The following NDST3 variants were observed in gnomAD, a reference collection of about 807,000 sequenced individuals.
NDST3 encodes bifunctional heparan sulfate N-deacetylase/N-sulfotransferase 3.
NDST3 carries 58 observed loss-of-function variants against 96.1 expected under a neutral mutation model. The ratio of observed to expected loss-of-function variants is 0.60; its 90% CI spans 0.49 to 0.75. The LOEUF (loss-of-function observed/expected upper bound fraction) is 0.75. Among genes scored for constraint, NDST3 ranks in the 30% least tolerant of loss-of-function variants. The pLI is 0.00. For synonymous variants in NDST3, 333 were observed against 359.7 expected (o/e 0.93, Z 0.84); for missense variants, 788 against 1,034.2 (o/e 0.76, Z 3.27).
chr4:118,216,754 AGT>A (rs1739218860), intron 6 of NDST3, among the ~76,000 whole-genome samples: 1 of 152,138 alleles, frequency 6.6e-6, no homozygotes, highest in Admixed American at 6.6e-5. Flanking sequence ...ATGGAGATAA[AGT>A]TAGAGGAGAC....
chr4:118,057,669 T>A (rs1235837695), intron 2 of NDST3, among the ~76,000 whole-genome samples: 1 of 152,002 alleles, frequency 6.6e-6, no homozygotes, highest in African/African-American at 2.4e-5. Context: ...CTGGAGAGTC[T>A]CCTTTGGGAA....
At chr4:118,108,349 T>C (rs566059981) in intron 3 of NDST3, among the ~76,000 whole-genome samples, 24 of 152,350 alleles carry the variant, frequency 1.6e-4, no homozygotes, top group African/African-American at 5.8e-4. Context: ...CATATATGTG[T>C]GTTAGATCTA....
At chr4:118,225,994 G>T (rs1322670523) in intron 7 of NDST3, among the ~76,000 whole-genome samples, 26 of 142,962 alleles carry the variant, frequency 1.8e-4, no homozygotes, top group East Asian at 8.1e-4. Context: ...CTGTTTTTTT[G>T]TTTTTTTTTT....
At position 118,114,797 on chromosome 4, in the gene NDST3, C is replaced by CT; in HGVS notation, c.1070-9_1070-8insT. The CT allele has an allele frequency of 6.2e-7, 1 of 1,613,006 alleles. No individual in the cohort carries two copies. The highest frequency in any genetic ancestry group is 8.5e-7 in the Non-Finnish European group (1 of 1,179,404). Reference sequence around the variant, plus strand: ...TGGAATTAATTGGATAATATTTCCCCCCCTAAAGGAACTGAAGAGGAAGAT... The same window carrying CT: ...TGGAATTAATTGGATAATATTTCCCCTCCCTAAAGGAACTGAAGAGGAAGAT... On this transcript the variant is annotated splice_polypyrimidine_tract_variant and intron_variant, in intron 3 of 13. Coordinates refer to ENST00000296499, the MANE Select transcript of NDST3 (RefSeq NM_004784.3).
chr4:118,084,802 A>G (rs183775032), intron 2 of NDST3, among the ~76,000 whole-genome samples: 281 of 152,306 alleles, frequency 1.8e-3, no homozygotes, highest in Middle Eastern at 0.01. Flanking sequence ...ACTCTGCACG[A>G]AAGCCAATTA....
intron 2 of NDST3, among the ~76,000 whole-genome samples, chr4:118,072,373 A>C (rs139314299): frequency 3.0e-4 from 46 of 152,034 alleles, no homozygotes; most frequent in African/African-American, 1.1e-3. Context: ...ACGGAATGCT[A>C]TTCCTTTCTT....
chr4:118,091,695 T>C (rs1401523837), intron 2 of NDST3, among the ~76,000 whole-genome samples: 1 of 151,746 alleles, frequency 6.6e-6, no homozygotes, highest in Non-Finnish European at 1.5e-5. Flanking sequence ...TCCTGGGATC[T>C]CTACCCTTTC....
chr4:118,042,509 C>G (rs1724527203), intron 1 of NDST3, among the ~76,000 whole-genome samples: 1 of 152,184 alleles, frequency 6.6e-6, no homozygotes. Context: ...CTACACTAAT[C>G]ATCTGTAAAC....
intron 2 of NDST3, 26 bp downstream of exon 2, chr4:118,054,917 A>C (rs766130414): frequency 1.9e-5 from 31 of 1,602,782 alleles, no homozygotes; most frequent in African/African-American, 4.0e-5. Flanking sequence ...CTCAAGTTTC[A>C]AAGTTCAGTT....
At chr4:118,244,652 G>C (rs1020779874) in intron 12 of NDST3, among the ~76,000 whole-genome samples, 1 of 152,126 alleles carries the variant, frequency 6.6e-6, no homozygotes, top group Non-Finnish European at 1.5e-5. Context: ...GTGTGAAAGA[G>C]TACTCCAATT....
intron 4 of NDST3, among the ~76,000 whole-genome samples, chr4:118,118,407 C>T (rs903521741): frequency 1.3e-5 from 2 of 152,104 alleles, no homozygotes; most frequent in African/African-American, 4.8e-5. Flanking sequence ...AGAGAATTTC[C>T]GAGACTGTGA....
intron 12 of NDST3, among the ~76,000 whole-genome samples, chr4:118,247,249 G>C (rs574193372): frequency 4.6e-5 from 7 of 150,790 alleles, no homozygotes; most frequent in African/African-American, 1.7e-4. Flanking sequence ...GACAAATGTA[G>C]AGTTAGAAAA....
chr4:118,065,025 T>C (rs1043161626), intron 2 of NDST3, among the ~76,000 whole-genome samples: 3 of 152,184 alleles, frequency 2.0e-5, no homozygotes, highest in African/African-American at 7.2e-5. Flanking sequence ...ATGGCCCACC[T>C]GGATAATCCA....
chr4:118,036,917 T>A (rs764024015), intron 1 of NDST3, among the ~76,000 whole-genome samples: 10 of 152,232 alleles, frequency 6.6e-5, no homozygotes, highest in African/African-American at 2.2e-4. Flanking sequence ...AAATCAATTA[T>A]TGCAGTCCTA....
chr4:118,168,566 G>T (rs1364047023), intron 6 of NDST3, among the ~76,000 whole-genome samples: 1 of 151,900 alleles, frequency 6.6e-6, no homozygotes, highest in Non-Finnish European at 1.5e-5. Context: ...AACTATGGAG[G>T]TTCCTCAAAA....
chr4:118,166,126 G>C (rs1182803557), intron 6 of NDST3, among the ~76,000 whole-genome samples: 1 of 151,466 alleles, frequency 6.6e-6, no homozygotes, highest in Non-Finnish European at 1.5e-5. Context: ...CAATGAAATT[G>C]GTTTTTTGAA....
intron 2 of NDST3, among the ~76,000 whole-genome samples, chr4:118,096,234 A>G (rs1309570128): frequency 1.3e-5 from 2 of 152,034 alleles, no homozygotes; most frequent in African/African-American, 4.8e-5. Context: ...TCCTTGAAAT[A>G]CACTGGGATT....
intron 2 of NDST3, 34 bp downstream of exon 2, chr4:118,054,925 G>C: frequency 6.2e-7 from 1 of 1,601,096 alleles, no homozygotes; most frequent in Non-Finnish European, 8.5e-7. Context: ...TCAAAGTTCA[G>C]TTCATCTTCC....
intron 6 of NDST3, among the ~76,000 whole-genome samples, chr4:118,204,202 C>T (rs989954534): frequency 2.6e-5 from 4 of 152,092 alleles, no homozygotes; most frequent in Admixed American, 6.5e-5. Context: ...ACACAATGGG[C>T]CCTGCAGGTA....
Sources: gnomAD v4.1 joint callset for allele counts (sites outside exome capture counted in the v4.1 genomes callset) on GRCh38, gnomAD v4.1.1 for gene constraint, MANE v1.5 for transcripts, NCBI Gene and HGNC (gene_info 2026-07-23, HGNC 2026-07-21) for gene names.